Variants in NCBP1 observed in about 807,000 individuals in gnomAD.
The protein encoded by NCBP1 is nuclear cap binding protein subunit 1, also known as nuclear cap-binding protein subunit 1.
NCBP1 carries 16 observed loss-of-function variants against 111.7 expected under a neutral mutation model. The observed-to-expected ratio is 0.14, with a 90% CI of 0.10 to 0.22. The LOEUF is 0.22. Ranked by LOEUF, NCBP1 falls within the 10% of genes least tolerant of loss-of-function variation. The pLI is 1.00. For missense variants in NCBP1, 607 were observed against 957.5 expected (o/e 0.63, Z 4.83); for synonymous variants, 304 against 314.3 (o/e 0.97, Z 0.35).
rs547225400 is a variant in NCBP1, at chr9:97,639,045, G to C, written c.35-1749G>C. On this transcript the variant is annotated intron_variant, in intron 1 of 22. Transcript: ENST00000375147. ...GAACCTTGATAGGTCCTGTGACTTA[G>C]GTTTGATCTATACTTAAGAATCAAG... 6.6e-5 allele frequency among the ~76,000 whole-genome samples: 10 copies of C among 152,256 alleles called. No homozygotes were observed. In the South Asian group the frequency reaches 1.2e-3, roughly 19 times the overall value.
chr9:97,653,026 T>G (rs1044325065), intron 10 of NCBP1, among the ~76,000 whole-genome samples: 1 of 152,162 alleles, frequency 6.6e-6, no homozygotes, highest in Non-Finnish European at 1.5e-5. Context: ...CAAAGAAGTC[T>G]TGGACTGCCA....
In NCBP1 at chr9:97,650,479, G is replaced by A. The variant is rs190328635; in HGVS notation, c.898-24G>A. ...GAAATCTGTTTTCTAGGCCTGTAGTGTACACATTTGGTTTTCTTTCCAGGG... is the reference window on the plus strand; with the variant it reads ...GAAATCTGTTTTCTAGGCCTGTAGTATACACATTTGGTTTTCTTTCCAGGG... On this transcript the variant is annotated intron_variant, in intron 8 of 22. Transcript: ENST00000375147. 1.4e-5 allele frequency: 21 copies of A among 1,551,974 alleles called. No individual in the cohort carries two copies. The Admixed American group carries it at 1.8e-4, about 14-fold the overall frequency.
chr9:97,646,698 G>A (rs1211698362), intron 6 of NCBP1, among the ~76,000 whole-genome samples: 1 of 151,914 alleles, frequency 6.6e-6, no homozygotes, highest in Non-Finnish European at 1.5e-5. Flanking sequence ...TTAGCCGAGC[G>A]TGGTGGTGGG....
chr9:97,658,602 A>G, intron 14 of NCBP1, 38 bp from the exon 15 acceptor site: 1 of 1,496,140 alleles, frequency 6.7e-7, no homozygotes, highest in Non-Finnish European at 9.3e-7. Context: ...AATGGGACTG[A>G]TAAAAGATAT....
At chr9:97,639,661 C>T (rs1472132191) in intron 1 of NCBP1, among the ~76,000 whole-genome samples, 1 of 152,056 alleles carries the variant, frequency 6.6e-6, no homozygotes, top group African/African-American at 2.4e-5. Context: ...CAATGGAAGT[C>T]GAAAATTGGA....
Position 97,645,242 on chromosome 9 carries a change from GCTGA to G in NCBP1, c.489+19_489+22del. ...TACCTCAGGTAAGAGAACCCCTCAT[GCTGA>G]ATCTTGAGGGGTTCTTGAGGGGTTA... On this transcript the variant is annotated intron_variant, in intron 5 of 22. Transcript: ENST00000375147. 3 of 1,574,710 alleles carry G rather than the reference GCTGA, an allele frequency of 1.9e-6. No individual in the cohort carries two copies. The highest frequency in any genetic ancestry group is 2.6e-6 in the Non-Finnish European group (3 of 1,144,858).
In NCBP1 at chr9:97,653,859, C is replaced by T; in HGVS notation, c.1121C>T (p.Thr374Ile). The change falls in exon 11 of 23, where the codon ACA becomes ATA. Residue 374 changes from threonine (T) to isoleucine (I), a missense_variant. Physicochemically the swap from Thr to Ile is moderately conservative, Grantham distance 89 (BLOSUM62 -1). Coordinates refer to ENST00000375147, the MANE Select transcript of NCBP1 (RefSeq NM_002486.5). ...APPHIDVMYTTLLIELCKLQP... is the reference protein window; with the variant it reads ...APPHIDVMYTILLIELCKLQP... ...CCTCACATTGATGTGATGTACACAA[C>T]ACTCCTCATTGAACTGTGCAAACTT... 1 of 1,614,122 alleles carries T rather than the reference C, an allele frequency of 6.2e-7. No individual in the cohort carries two copies. The highest frequency in any genetic ancestry group is 8.5e-7 in the Non-Finnish European group (1 of 1,180,010).
At chr9:97,670,303 T>C (rs116982780) in intron 22 of NCBP1, among the ~76,000 whole-genome samples, 2,087 of 152,242 alleles carry the variant, frequency 0.014, 101 homozygotes, top group East Asian at 0.12. Context: ...GTAATTGGAT[T>C]TATAAGTCCC....
chr9:97,671,145 A>G lies in NCBP1; in HGVS notation c.2319A>G (p.Glu773=). The stretch of plus-strand genomic sequence containing the variant: ...TGGAGAACCTTCTCTTCACTGCTGA[A>G]TTAGACCCTCATATCTTGGCCGTGT... The part of the protein sequence containing the change: ...VTLENLLFTA[E]LDPHILAVFQ... The change falls in exon 23 of 23, where the codon GAA becomes GAG. Residue 773 remains glutamate (E), a synonymous_variant. Coordinates refer to ENST00000375147, the MANE Select transcript of NCBP1 (RefSeq NM_002486.5). 6.2e-7 allele frequency: 1 copy of G among 1,613,920 alleles called. No homozygotes were observed. Among genetic ancestry groups the G allele is most frequent in the Non-Finnish European group, 8.5e-7 (1 of 1,179,804 alleles).
At chr9:97,643,392 C>T in intron 4 of NCBP1, 32 bp downstream of exon 4, 1 of 1,527,550 alleles carries the variant, frequency 6.5e-7, no homozygotes, top group Non-Finnish European at 8.8e-7. Flanking sequence ...TATGTTATGA[C>T]TACTGTTGGG....
At chr9:97,643,090 G>T in intron 3 of NCBP1, 114 bp from the exon 4 acceptor site, 1 of 1,066,664 alleles carries the variant, frequency 9.4e-7, no homozygotes, top group Non-Finnish European at 1.3e-6. Context: ...TAAAGACATA[G>T]CTAAAAGTAA....
rs544028947 is a variant in NCBP1, at chr9:97,639,409, G to T, written c.35-1385G>T. Among the ~76,000 whole-genome samples the T allele has an allele frequency of 3.3e-5, 5 of 152,238 alleles. No homozygotes were observed. The South Asian group carries it at 1.0e-3, about 32-fold the overall frequency. On this transcript the variant is annotated intron_variant, in intron 1 of 22. Coordinates refer to ENST00000375147, the MANE Select transcript of NCBP1 (RefSeq NM_002486.5). ...AACATTCCAAGCTTAGAATAGCCAG[G>T]TGCTGTGTTTTATGAGAATCACCAT...
rs1395347765 is a variant in NCBP1, at chr9:97,656,040, G to C, written c.1328G>C (p.Ser443Thr). 6.2e-7 allele frequency: 1 copy of C among 1,614,066 alleles called. No individual in the cohort carries two copies. Among genetic ancestry groups the C allele is most frequent in the South Asian group, 1.1e-5 (1 of 91,078 alleles). The change falls in exon 14 of 23, where the codon AGT becomes ACT. Residue 443 changes from serine (S) to threonine (T), a missense_variant. Physicochemically the swap from Ser to Thr is moderately conservative, Grantham distance 58. Transcript: ENST00000375147. ...GATTGTCTTAGTCAAGATCCTGAAA[G>C]TCCCAAACCGAAGTTTGTAAGAGAA... ...WSDCLSQDPE[S>T]PKPKFVREVL...
At chr9:97,666,634 G>C (rs1248240040) in intron 19 of NCBP1, 129 bp from the exon 20 acceptor site, 1 of 576,280 alleles carries the variant, frequency 1.7e-6, no homozygotes, top group East Asian at 3.1e-5. Flanking sequence ...GCTGGAGAAA[G>C]ATGACTAATT....
At chr9:97,650,937 G>T (rs1827480626) in intron 9 of NCBP1, among the ~76,000 whole-genome samples, 1 of 144,464 alleles carries the variant, frequency 6.9e-6, no homozygotes, top group South Asian at 2.1e-4. Flanking sequence ...CCAAGCTTTG[G>T]AATTTTTTTT....
intron 9 of NCBP1, 47 bp from the exon 10 acceptor site, chr9:97,651,263 T>A (rs765835586): frequency 5.4e-5 from 82 of 1,508,028 alleles, no homozygotes; most frequent in Non-Finnish European, 4.5e-6. Flanking sequence ...ATTTGACTTT[T>A]CTTGTGTCTT....
intron 4 of NCBP1, among the ~76,000 whole-genome samples, 169 bp from the exon 5 acceptor site, chr9:97,644,948 G>C (rs1044243978): frequency 6.6e-6 from 1 of 151,872 alleles, no homozygotes. Context: ...ATTTAAAAAT[G>C]TAAAAACCAT....
At chr9:97,647,888 T>C in intron 7 of NCBP1, 120 bp from the exon 8 acceptor site, 1 of 887,424 alleles carries the variant, frequency 1.1e-6, no homozygotes, top group Non-Finnish European at 1.7e-6. Context: ...GCACCTTTTT[T>C]TGTACCATCT....
chr9:97,661,517 A>C (rs2131359718), intron 16 of NCBP1, among the ~76,000 whole-genome samples: 1 of 152,344 alleles, frequency 6.6e-6, no homozygotes, highest in East Asian at 1.9e-4. Context: ...TAATTTATAC[A>C]GTTGCCTGAA....
Sources: gnomAD v4.1 joint callset for allele counts (sites outside exome capture counted in the v4.1 genomes callset) on GRCh38, gnomAD v4.1.1 for gene constraint, MANE v1.5 for transcripts, NCBI Gene and HGNC (gene_info 2026-07-23, HGNC 2026-07-21) for gene names.